DNAH9: variants seen among roughly 807,000 people sequenced by gnomAD.
DNAH9 encodes the protein DNAH9 variant protein.
Under a neutral mutation model 471.6 loss-of-function variants are expected in DNAH9, and 345 were observed. The observed-to-expected ratio is 0.73, with a 90% CI of 0.67 to 0.80. DNAH9 has a LOEUF of 0.80. Among genes scored for constraint, DNAH9 ranks in the 30% least tolerant of loss-of-function variants. The pLI is 0.00. For synonymous variants in DNAH9, 2,093 were observed against 2,123.6 expected (o/e 0.99, Z 0.40); for missense variants, 5,407 against 5,609.2 (o/e 0.96, Z 1.15).
At chr17:11,656,801 T>C (rs546592769) in intron 14 of DNAH9, among the ~76,000 whole-genome samples, 1 of 152,166 alleles carries the variant, frequency 6.6e-6, no homozygotes, top group Admixed American at 6.5e-5. Flanking sequence ...TTTGTCAATA[T>C]AGAGTAGATT....
chr17:11,845,327 A>G (rs1971184605), intron 49 of DNAH9, among the ~76,000 whole-genome samples: 1 of 145,908 alleles, frequency 6.9e-6, no homozygotes, highest in African/African-American at 2.5e-5. Context: ...CCTACAAAGG[A>G]CATGAACTCA....
chr17:11,815,199 GT>G (rs11429811), intron 45 of DNAH9, among the ~76,000 whole-genome samples: 1 of 148,276 alleles, frequency 6.7e-6, no homozygotes, highest in African/African-American at 2.5e-5. Context: ...GTAATAAACT[GT>G]TTTTTTTTTT....
intron 43 of DNAH9, among the ~76,000 whole-genome samples, chr17:11,807,218 G>A (rs751601539): frequency 8.5e-5 from 13 of 152,258 alleles, no homozygotes; most frequent in East Asian, 3.9e-4. Flanking sequence ...AGTTCTGTCC[G>A]GGCTCCCTGT....
rs1267007175 is a variant in DNAH9, at chr17:11,891,779, C to T, written c.11115C>T (p.Ala3705=). 6.2e-7 allele frequency: 1 copy of T among 1,614,022 alleles called. No individual in the cohort carries two copies. Among genetic ancestry groups the T allele is most frequent in the Admixed American group, 1.7e-5 (1 of 60,022 alleles). ...AGTTTCCTGTCTTCTGTCCCCAGGC[C>T]TTCAGTATCGTCTTCCAGAAGGCTG... ...IHPMYQFSLK[A]FSIVFQKAVE... The change falls in exon 58 of 69, where the codon GCC becomes GCT. Residue 3705 remains alanine, a splice_region_variant and synonymous_variant. Coordinates refer to ENST00000262442, the MANE Select transcript of DNAH9 (RefSeq NM_001372.4).
chr17:11,738,804 A>G (rs1375873942), intron 28 of DNAH9, 76 bp from the exon 29 acceptor site: 3 of 1,321,942 alleles, frequency 2.3e-6, no homozygotes, highest in Non-Finnish European at 3.2e-6. Flanking sequence ...GTGTGACTAC[A>G]GGGTTCCAGC....
intron 14 of DNAH9, among the ~76,000 whole-genome samples, chr17:11,654,333 G>A (rs1178434001): frequency 1.2e-5 from 1 of 81,256 alleles, no homozygotes; most frequent in Non-Finnish European, 2.5e-5. Context: ...TCCAGCCTGG[G>A]CCACAGAGCG....
At chr17:11,671,663 G>A (rs1034064566) in intron 17 of DNAH9, among the ~76,000 whole-genome samples, 4 of 152,204 alleles carry the variant, frequency 2.6e-5, no homozygotes, top group East Asian at 1.9e-4. Flanking sequence ...GTGTGCTCAC[G>A]AGCCAGCCAC....
At chr17:11,636,532 A>G in intron 8 of DNAH9, 102 bp from the exon 9 acceptor site, 1 of 813,002 alleles carries the variant, frequency 1.2e-6, no homozygotes, top group South Asian at 1.7e-5. Context: ...CTCTTCTTAC[A>G]TTGGTAGGCA....
At chr17:11,646,279 G>A (rs1344933373) in intron 11 of DNAH9, among the ~76,000 whole-genome samples, 3 of 151,876 alleles carry the variant, frequency 2.0e-5, no homozygotes, top group African/African-American at 7.3e-5. Context: ...TCGGCCTCCT[G>A]AAGTGCTGGG....
chr17:11,886,178 G>A (rs188140436), intron 56 of DNAH9, among the ~76,000 whole-genome samples: 1 of 152,134 alleles, frequency 6.6e-6, no homozygotes, highest in Admixed American at 6.5e-5. Context: ...ACAAAAATTA[G>A]TCGGGCGTGG....
intron 67 of DNAH9, among the ~76,000 whole-genome samples, chr17:11,946,382 G>A (rs1056632847): frequency 6.0e-5 from 9 of 151,148 alleles, no homozygotes; most frequent in East Asian, 3.9e-4. Context: ...ATTACTTCCC[G>A]GCCAGGTGTG....
At chr17:11,728,301 A>G (rs1179892830) in intron 28 of DNAH9, among the ~76,000 whole-genome samples, 1 of 152,180 alleles carries the variant, frequency 6.6e-6, no homozygotes, top group African/African-American at 2.4e-5. Context: ...TTTATTTCCT[A>G]TTGGAATCTT....
At chr17:11,693,753 A>G (rs965678084) in intron 20 of DNAH9, 115 bp from the exon 21 acceptor site, 2 of 1,088,474 alleles carry the variant, frequency 1.8e-6, no homozygotes, top group Non-Finnish European at 2.8e-6. Context: ...CGTTGAGTCT[A>G]TTCTCTGTAT....
At chr17:11,694,789 T>C (rs1348535360) in intron 22 of DNAH9, among the ~76,000 whole-genome samples, 16 of 426 alleles carry the variant, frequency 0.038, 2 homozygotes, top group African/African-American at 0.055. Flanking sequence ...TCTTTCTTTC[T>C]TTCTTTCTTT....
intron 35 of DNAH9, among the ~76,000 whole-genome samples, chr17:11,760,527 AT>A (rs1339696019): frequency 6.7e-5 from 10 of 148,404 alleles, no homozygotes; most frequent in East Asian, 2.0e-4. Flanking sequence ...TTTTATTTTT[AT>A]TTTTTTTTTG....
chr17:11,957,441 G>A (rs1414580212), intron 67 of DNAH9, among the ~76,000 whole-genome samples: 2 of 151,744 alleles, frequency 1.3e-5, no homozygotes, highest in Non-Finnish European at 2.9e-5. Context: ...ATTTTATACA[G>A]AAGAAACATA....
chr17:11,794,193 C>T (rs1049316744), intron 42 of DNAH9, among the ~76,000 whole-genome samples: 7 of 151,692 alleles, frequency 4.6e-5, no homozygotes, highest in African/African-American at 1.2e-4. Context: ...TACAGGCACC[C>T]GCCACCACAC....
chr17:11,812,056 C>CATACATACAT (rs371646004), intron 45 of DNAH9, among the ~76,000 whole-genome samples: 2 of 63,404 alleles, frequency 3.2e-5, no homozygotes, highest in African/African-American at 1.4e-4. Flanking sequence ...TATATATATA[C>CATACATACAT]ACATACATAC....
rs1567560369 is a variant in DNAH9 at position 11,933,862 on chromosome 17, C to CT, written c.12298-15dup. 1.3e-6 allele frequency: 2 copies of CT among 1,599,288 alleles called. No individual in the cohort carries two copies. The highest frequency in any genetic ancestry group is 1.7e-6 in the Non-Finnish European group (2 of 1,170,810). On this transcript the variant is annotated splice_polypyrimidine_tract_variant and intron_variant, in intron 64 of 68. Transcript: ENST00000262442. ...GAGGTCTTTCTTCCTTCCTCTCTTT[C>CT]TTTCCCCCATCACTCAGGTCCCCTA...
Sources: allele counts gnomAD v4.1 joint callset (sites outside exome capture counted in the v4.1 genomes callset), GRCh38; gene constraint gnomAD v4.1.1; transcripts MANE v1.5; gene names NCBI Gene and HGNC (gene_info 2026-07-23, HGNC 2026-07-21).